The following C2orf42 variants were observed in gnomAD, a reference collection of about 807,000 sequenced individuals.
C2orf42 encodes the protein chromosome 2 open reading frame 42.
A neutral mutation model predicts 58.9 loss-of-function variants in C2orf42; 44 were observed. That is an observed-to-expected ratio of 0.75 (90% confidence interval 0.59 to 0.96). C2orf42 has a LOEUF of 0.96. Among genes scored for constraint, C2orf42 ranks in the 40% least tolerant of loss-of-function variants. C2orf42 has a pLI of 0.00. For missense variants in C2orf42, 630 were observed against 699.2 expected, an observed-to-expected ratio of 0.90 and a Z score of 1.12; for synonymous variants, 239 against 265.4, an observed-to-expected ratio of 0.90 and a Z score of 0.97.
At chr2:70,159,672 A>G (rs190825002) in intron 9 of C2orf42, among the ~76,000 whole-genome samples, 1 of 152,254 alleles carries the variant, frequency 6.6e-6, no homozygotes, top group East Asian at 1.9e-4. Flanking sequence ...AAATTCAAGT[A>G]CAGTCTAAAA....
chr2:70,185,582 A>G (rs1416877584), intron 1 of C2orf42, among the ~76,000 whole-genome samples: 2 of 151,706 alleles, frequency 1.3e-5, no homozygotes. Flanking sequence ...ATGATGGCAC[A>G]TGTCTATAAC....
Position 70,179,613 on chromosome 2 carries a change from C to T in C2orf42, c.853G>A (p.Gly285Ser). 2.6e-6 allele frequency: 4 copies of T among 1,524,156 alleles called. No homozygotes were observed. The highest frequency in any genetic ancestry group is 1.7e-4 in the Middle Eastern group (1 of 5,884). 94.4% of individuals were successfully genotyped at this position (1,524,156 alleles called of 1,614,324 possible). ...GATACTGTTGATTCTGAATGGCAAC[C>T]TAACTGGGGTACAATAATCTCTTTA... ...GLKEIIVPQL[G>S]CHSESTVSAC... Residue 285 changes from glycine to serine, a missense_variant, in exon 4 of 10, where the codon GGT becomes AGT. Physicochemically the swap from Gly to Ser is moderately conservative, Grantham distance 56. Transcript: ENST00000264434.
Position 70,150,304 on chromosome 2 carries a change from A to T in C2orf42, c.*52T>A. 1 of 1,498,690 alleles carries T rather than the reference A, an allele frequency of 6.7e-7. No homozygotes were observed. The highest frequency in any genetic ancestry group is 2.3e-5 in the East Asian group (1 of 44,206). The allele number at this position is 1,498,690 out of a possible 1,614,324, so 92.8% of individuals were successfully genotyped here. A position where few individuals can be genotyped will look rare whatever the true frequency, so the allele number is the denominator to read the frequency against. On this transcript the variant is annotated 3_prime_UTR_variant, in exon 10 of 10. Coordinates refer to ENST00000264434, the MANE Select transcript of C2orf42 (RefSeq NM_017880.3). ...GCCTAACTAGCATTTAAAGTTGTCA[A>T]GGGGTGGGGATGTGCAAATTAAGCA...
chr2:70,157,931 T>G (rs1431596893), intron 9 of C2orf42, among the ~76,000 whole-genome samples: 1 of 152,126 alleles, frequency 6.6e-6, no homozygotes, highest in East Asian at 1.9e-4. Context: ...CCGGGCTTGG[T>G]GGCTCACGTC....
intron 5 of C2orf42, among the ~76,000 whole-genome samples, chr2:70,171,480 C>T (rs987718971): frequency 3.3e-5 from 5 of 152,068 alleles, no homozygotes; most frequent in African/African-American, 4.8e-5. Flanking sequence ...GACTTAAAAC[C>T]TAAAACCTTG....
intron 1 of C2orf42, among the ~76,000 whole-genome samples, chr2:70,183,733 A>AG (rs1301458401): frequency 1.3e-5 from 2 of 150,780 alleles, no homozygotes; most frequent in African/African-American, 4.9e-5. Flanking sequence ...TCTCTTTAAA[A>AG]AAAAAAAAAA....
chr2:70,180,872 C>T (rs964446763), intron 3 of C2orf42, among the ~76,000 whole-genome samples: 2 of 151,180 alleles, frequency 1.3e-5, no homozygotes, highest in African/African-American at 4.9e-5. Flanking sequence ...CATGGTGGCA[C>T]GTGCCTGTGG....
intron 8 of C2orf42, among the ~76,000 whole-genome samples, chr2:70,162,399 G>A (rs1038785245): frequency 2.6e-5 from 4 of 151,754 alleles, no homozygotes; most frequent in African/African-American, 7.2e-5. Context: ...TGTAATCCCA[G>A]CACTTTGGGA....
At position 70,181,522 on chromosome 2, in the gene C2orf42, A is replaced by G. The variant is rs1573030508; in HGVS notation, c.464T>C (p.Val155Ala). The change falls in exon 3 of 10, where the codon GTC (valine) becomes GCC (alanine). Residue 155 changes from valine (V) to alanine (A), a missense_variant. Coordinates refer to ENST00000264434, the MANE Select transcript of C2orf42 (RefSeq NM_017880.3). Reference sequence around the variant, plus strand: ...CGGGGAGGCCTGCATTGCATTCAGGACCGAGCTCTTCAGGGTCAGAGGGGT... The same window carrying G: ...CGGGGAGGCCTGCATTGCATTCAGGGCCGAGCTCTTCAGGGTCAGAGGGGT... ...EATPLTLKSSVLNAMQASPET... is the reference protein window; with the variant it reads ...EATPLTLKSSALNAMQASPET... 6.2e-7 allele frequency: 1 copy of G among 1,613,378 alleles called. No individual in the cohort carries two copies. Among genetic ancestry groups the G allele is most frequent in the African/African-American group, 1.3e-5 (1 of 74,888 alleles).
At position 70,154,142 on chromosome 2, in the gene C2orf42, T is replaced by G. The variant is rs542328238; in HGVS notation, c.1517-3578A>C. On this transcript the variant is annotated intron_variant, in intron 9 of 9. Coordinates refer to ENST00000264434, the MANE Select transcript of C2orf42 (RefSeq NM_017880.3). ...AAAAGAAAAAAAATAAGATCCAGCC[T>G]TTATGAAAGTAAGGCCAGAATCATT... Among the ~76,000 whole-genome samples the G allele has an allele frequency of 5.9e-5, 9 of 151,302 alleles. No homozygotes were observed. In the East Asian group the frequency reaches 1.4e-3, roughly 23 times the overall value.
chr2:70,168,846 G>A (rs1267896893), intron 6 of C2orf42, among the ~76,000 whole-genome samples: 2 of 151,412 alleles, frequency 1.3e-5, no homozygotes, highest in Admixed American at 6.6e-5. Context: ...CCAGGTATTT[G>A]GGACTACAGG....
At chr2:70,190,891 G>C (rs1036749629) in intron 1 of C2orf42, 82 bp downstream of exon 1, 1 of 152,306 alleles carries the variant, frequency 6.6e-6, no homozygotes, top group African/African-American at 2.4e-5. Flanking sequence ...CCGCCGCCCC[G>C]GTCCTTGCTC....
At chr2:70,171,594 C>T (rs13428752) in intron 5 of C2orf42, among the ~76,000 whole-genome samples, 2 of 151,896 alleles carry the variant, frequency 1.3e-5, no homozygotes, top group African/African-American at 2.4e-5. Flanking sequence ...CACTGCAACC[C>T]CTGCCTCCCG....
chr2:70,175,899 T>C, intron 4 of C2orf42, 122 bp from the exon 5 acceptor site: 1 of 689,964 alleles, frequency 1.4e-6, no homozygotes, highest in Admixed American at 2.2e-5. Flanking sequence ...AGCTTCACAG[T>C]TTCTAGGAGT....
chr2:70,173,702 G>A (rs369002768), intron 5 of C2orf42, among the ~76,000 whole-genome samples: 1 of 151,682 alleles, frequency 6.6e-6, no homozygotes, highest in African/African-American at 2.4e-5. Context: ...CTGCAGCCTC[G>A]ACATCCCAGG....
At chr2:70,168,983 G>A (rs967533309) in intron 6 of C2orf42, among the ~76,000 whole-genome samples, 6 of 152,062 alleles carry the variant, frequency 3.9e-5, no homozygotes, top group Non-Finnish European at 7.3e-5. Flanking sequence ...CCAAAGTGTC[G>A]GATTACAGGT....
At chr2:70,189,673 G>A (rs1435801848) in intron 1 of C2orf42, among the ~76,000 whole-genome samples, 2 of 148,216 alleles carry the variant, frequency 1.3e-5, no homozygotes, top group Admixed American at 6.8e-5. Flanking sequence ...AGCCGAGATC[G>A]TGCCACTGCA....
chr2:70,176,233 A>C lies in C2orf42; in HGVS notation c.935-456T>G, dbSNP rs1353358362. Among the ~76,000 whole-genome samples the C allele has an allele frequency of 2.0e-5, 3 of 152,220 alleles. No homozygotes were observed. In the South Asian group the frequency reaches 6.2e-4, roughly 31 times the overall value. On this transcript the variant is annotated intron_variant, in intron 4 of 9. Transcript: ENST00000264434. ...TATTGCATGGAAATACTTATACTAAAAATTATTCGTTCTGTAATCCCAGCA... is the reference window on the plus strand; with the variant it reads ...TATTGCATGGAAATACTTATACTAACAATTATTCGTTCTGTAATCCCAGCA...
At chr2:70,171,604 G>A (rs1056347561) in intron 5 of C2orf42, among the ~76,000 whole-genome samples, 4 of 151,906 alleles carry the variant, frequency 2.6e-5, no homozygotes, top group Non-Finnish European at 5.9e-5. Flanking sequence ...CCTGCCTCCC[G>A]GGTTCAGGCG....
Sources: gnomAD v4.1 joint callset for allele counts (sites outside exome capture counted in the v4.1 genomes callset) on GRCh38, gnomAD v4.1.1 for gene constraint, MANE v1.5 for transcripts, NCBI Gene and HGNC (gene_info 2026-07-23, HGNC 2026-07-21) for gene names.